Variants in LUC7L2 observed in about 807,000 individuals in gnomAD.
LUC7L2 encodes the protein LUC7 like 2, pre-mRNA splicing factor, also known as putative RNA-binding protein Luc7-like 2.
LUC7L2 carries 25 observed loss-of-function variants against 52.8 expected under a neutral mutation model. The observed-to-expected ratio is 0.47, with a 90% CI of 0.34 to 0.66. The LOEUF (loss-of-function observed/expected upper bound fraction) is 0.66. Ranked by LOEUF, LUC7L2 falls within the 30% of genes least tolerant of loss-of-function variation. The probability of loss-of-function intolerance (pLI) is 0.01; values close to 1 mark genes in which losing one functional copy is unlikely to be tolerated. For synonymous variants in LUC7L2, 144 were observed against 160.9 expected (o/e 0.89, Z 0.80); for missense variants, 328 against 497.8 (o/e 0.66, Z 3.25).
intron 2 of LUC7L2, among the ~76,000 whole-genome samples, chr7:139,394,683 A>G (rs1329827660): frequency 6.6e-6 from 1 of 152,216 alleles, no homozygotes; most frequent in African/African-American, 2.4e-5. Flanking sequence ...GAAAGGAAGT[A>G]GACAGCTGCT....
intron 2 of LUC7L2, among the ~76,000 whole-genome samples, chr7:139,398,096 C>T (rs1194124392): frequency 8.5e-5 from 13 of 152,270 alleles, no homozygotes; most frequent in Middle Eastern, 3.4e-3. Flanking sequence ...TGGGCTCAAG[C>T]GATCCTCCTG....
intron 2 of LUC7L2, among the ~76,000 whole-genome samples, chr7:139,380,895 T>C (rs373725838): frequency 6.6e-6 from 1 of 152,218 alleles, no homozygotes; most frequent in South Asian, 2.1e-4. Context: ...GATACATGAC[T>C]AATAATTTAT....
In LUC7L2 at chr7:139,407,005, T is replaced by TTTTTG. The variant is rs1378702431; in HGVS notation, c.511-165_511-164insGTTTT. Among the ~76,000 whole-genome samples the TTTTTG allele has an allele frequency of 5.2e-3, 764 of 145,692 alleles. 16 individuals carry two copies. The highest frequency in any genetic ancestry group is 0.019 in the African/African-American group (721 of 38,768). On this transcript the variant is annotated intron_variant, in intron 5 of 9. Coordinates refer to ENST00000354926, the MANE Select transcript of LUC7L2 (RefSeq NM_016019.5). ...CAAAATAGCCATGCTTTTGTGGTTT[T>TTTTTG]TTTTTTTTTTTTTTTTTGAGCTGGA... is the stretch of plus-strand genomic sequence containing the variant.
At chr7:139,361,223 A>G (rs148537055) in intron 1 of LUC7L2, among the ~76,000 whole-genome samples, 245 of 152,356 alleles carry the variant, frequency 1.6e-3, no homozygotes, top group African/African-American at 5.5e-3. Context: ...ACTTAAATAC[A>G]TTCAAATATG....
intron 7 of LUC7L2, 93 bp downstream of exon 7, chr7:139,409,747 G>T: frequency 7.1e-7 from 1 of 1,413,216 alleles, no homozygotes; most frequent in South Asian, 1.7e-5. Flanking sequence ...TGATAAATCT[G>T]TTATGGGACG....
At chr7:139,398,283 T>C (rs1048312861) in intron 2 of LUC7L2, among the ~76,000 whole-genome samples, 39 of 151,934 alleles carry the variant, frequency 2.6e-4, no homozygotes, top group African/African-American at 8.9e-4. Context: ...CTTGATCTTT[T>C]TTGTGTTGTG....
intron 1 of LUC7L2, among the ~76,000 whole-genome samples, chr7:139,342,219 A>G (rs567073257): frequency 2.6e-5 from 4 of 152,334 alleles, no homozygotes; most frequent in African/African-American, 7.2e-5. Context: ...TGCCCACCTA[A>G]GGAGCCATAC....
At chr7:139,418,230 TAAG>T (rs1037826227) in intron 9 of LUC7L2, among the ~76,000 whole-genome samples, 3 of 66,688 alleles carry the variant, frequency 4.5e-5, no homozygotes, top group South Asian at 3.8e-4. Context: ...GGCAGACTAA[TAAG>T]GAGGTTCCAA....
At chr7:139,415,058 T>G (rs1232316457) in intron 8 of LUC7L2, among the ~76,000 whole-genome samples, 1 of 141,512 alleles carries the variant, frequency 7.1e-6, no homozygotes, top group African/African-American at 2.5e-5. Context: ...TGCTAAGTTT[T>G]TTTTTTTTTT....
chr7:139,379,549 C>CTTTTTTTTTTTTTTTTT (rs539771697), intron 2 of LUC7L2, among the ~76,000 whole-genome samples: 1 of 52,722 alleles, frequency 1.9e-5, no homozygotes. Flanking sequence ...ATAACTAATG[C>CTTTTTTTTTTTTTTTTT]TTTTTTTTTT....
rs760905871 is a variant in LUC7L2, at chr7:139,422,145, C to G, written c.1002-18C>G. 3.8e-6 allele frequency: 6 copies of G among 1,583,578 alleles called. No individual in the cohort carries two copies. Among genetic ancestry groups the G allele is most frequent in the Non-Finnish European group, 5.1e-6 (6 of 1,170,076 alleles). On this transcript the variant is annotated intron_variant, in intron 9 of 9. Transcript: ENST00000354926. ...GGGTTTCCCAACATATTTTGCTCCT[C>G]AAATTAATATTTTTCAGATCCTCAA...
chr7:139,394,458 T>A (rs1794577904), intron 2 of LUC7L2, among the ~76,000 whole-genome samples: 1 of 152,228 alleles, frequency 6.6e-6, no homozygotes, highest in Admixed American at 6.5e-5. Context: ...TTGTTCTTAG[T>A]CTACATAGTT....
At chr7:139,407,080 G>A (rs10254274) in intron 5 of LUC7L2, 94 bp from the exon 6 acceptor site, 1 of 1,036,562 alleles carries the variant, frequency 9.6e-7, no homozygotes, top group Non-Finnish European at 1.2e-6. Context: ...GTATTTTTTA[G>A]AAAACACTTT....
At chr7:139,402,981 C>G (rs1258478704) in intron 4 of LUC7L2, among the ~76,000 whole-genome samples, 1 of 152,226 alleles carries the variant, frequency 6.6e-6, no homozygotes, top group Non-Finnish European at 1.5e-5. Flanking sequence ...AACCTATTCT[C>G]TATCTCTGTA....
chr7:139,390,215 GTCTCTCTCTCTCTC>G (rs5887929), intron 2 of LUC7L2, among the ~76,000 whole-genome samples: 2 of 148,728 alleles, frequency 1.3e-5, no homozygotes, highest in African/African-American at 4.9e-5. Context: ...CCAGTGCCCA[GTCTCTCTCTCTCTC>G]TCTCTCTCTC....
intron 1 of LUC7L2, among the ~76,000 whole-genome samples, chr7:139,368,648 G>C (rs1486273120): frequency 6.7e-6 from 1 of 149,092 alleles, no homozygotes; most frequent in East Asian, 2.0e-4. Flanking sequence ...TGAGGTTGGA[G>C]AATTGTTTGA....
chr7:139,369,649 T>C (rs11768023), intron 1 of LUC7L2, among the ~76,000 whole-genome samples: 7 of 152,182 alleles, frequency 4.6e-5, no homozygotes, highest in East Asian at 1.9e-4. Context: ...TTCATTCTTA[T>C]AATCTTGTGA....
chr7:139,412,607 A>G, intron 8 of LUC7L2, 27 bp downstream of exon 8: 1 of 1,578,906 alleles, frequency 6.3e-7, no homozygotes, highest in African/African-American at 1.4e-5. Flanking sequence ...AGACAGGTAT[A>G]AGTAGTGAAG....
intron 4 of LUC7L2, 24 bp from the exon 5 acceptor site, chr7:139,405,620 A>T: frequency 1.9e-6 from 3 of 1,570,780 alleles, no homozygotes; most frequent in Non-Finnish European, 2.6e-6. Context: ...TTTATTCATG[A>T]TCTTCTTTTT....
Sources: gnomAD v4.1 joint callset for allele counts (sites outside exome capture counted in the v4.1 genomes callset) on GRCh38, gnomAD v4.1.1 for gene constraint, MANE v1.5 for transcripts, NCBI Gene and HGNC (gene_info 2026-07-23, HGNC 2026-07-21) for gene names.